THSD4: variants seen among roughly 807,000 people sequenced by gnomAD.
THSD4 encodes thrombospondin type 1 domain containing 4.
THSD4 carries 69 observed loss-of-function variants against 119.0 expected under a neutral mutation model. The observed-to-expected ratio is 0.58, with a 90% confidence interval of 0.48 to 0.71. The LOEUF (loss-of-function observed/expected upper bound fraction) is 0.71. Among genes scored for constraint, THSD4 ranks in the 30% least tolerant of loss-of-function variants. The pLI, the probability that THSD4 is intolerant of heterozygous loss-of-function variation, is 0.00. For synonymous variants in THSD4, 524 were observed against 540.4 expected, an observed-to-expected ratio of 0.97 and a Z score of 0.42; for missense variants, 1,393 against 1,391.1, an observed-to-expected ratio of 1.00 and a Z score of -0.02.
At chr15:71,418,133 A>C (rs1596418709) in intron 7 of THSD4, among the ~76,000 whole-genome samples, 1 of 108,718 alleles carries the variant, frequency 9.2e-6, no homozygotes, top group Non-Finnish European at 2.0e-5. Flanking sequence ...ACTTTACTGA[A>C]TTTATCAATT....
At chr15:71,286,105 C>T (rs978926078) in intron 6 of THSD4, among the ~76,000 whole-genome samples, 6 of 152,042 alleles carry the variant, frequency 3.9e-5, no homozygotes, top group Non-Finnish European at 7.4e-5. Flanking sequence ...GGTTTGGGGT[C>T]ATGCTTTTAC....
intron 3 of THSD4, among the ~76,000 whole-genome samples, chr15:71,205,954 A>G (rs1420862035): frequency 6.7e-6 from 1 of 149,460 alleles, no homozygotes; most frequent in Non-Finnish European, 1.5e-5. Context: ...GCTCACTGCA[A>G]CCTCCTCCTC....
intron 7 of THSD4, among the ~76,000 whole-genome samples, chr15:71,652,449 C>G (rs1044865930): frequency 6.6e-6 from 1 of 152,162 alleles, no homozygotes; most frequent in African/African-American, 2.4e-5. Flanking sequence ...TTATCACTGT[C>G]AAAAGCTATT....
chr15:71,430,643 G>C (rs1367868357), intron 7 of THSD4, among the ~76,000 whole-genome samples: 1 of 151,420 alleles, frequency 6.6e-6, no homozygotes, highest in Non-Finnish European at 1.5e-5. Flanking sequence ...TCTAATCCCA[G>C]CTACTCGGGA....
chr15:71,560,845 G>C (rs2049100923), intron 7 of THSD4, among the ~76,000 whole-genome samples: 1 of 152,084 alleles, frequency 6.6e-6, no homozygotes, highest in Non-Finnish European at 1.5e-5. Flanking sequence ...CCCTTGAATA[G>C]AGTTGATGTC....
At chr15:71,559,150 C>G (rs537467836) in intron 7 of THSD4, among the ~76,000 whole-genome samples, 6 of 152,122 alleles carry the variant, frequency 3.9e-5, no homozygotes, top group Admixed American at 2.0e-4. Context: ...TGTCAGTATT[C>G]GAAGAAGACA....
chr15:71,708,121 C>T (rs574573915), intron 8 of THSD4, among the ~76,000 whole-genome samples: 2 of 152,350 alleles, frequency 1.3e-5, no homozygotes, highest in Admixed American at 1.3e-4. Context: ...GTCTGCCCAA[C>T]TCACTGGACA....
intron 6 of THSD4, among the ~76,000 whole-genome samples, chr15:71,406,629 T>C (rs1220271718): frequency 5.3e-5 from 8 of 151,150 alleles, no homozygotes; most frequent in Non-Finnish European, 1.2e-4. Flanking sequence ...CTTTCAGTTC[T>C]CTCAGGTTTG....
At chr15:71,350,141 T>TAAAAAAAAAAAAAAAAAAAA (rs3086680) in intron 6 of THSD4, among the ~76,000 whole-genome samples, 4 of 111,174 alleles carry the variant, frequency 3.6e-5, no homozygotes, top group Non-Finnish European at 5.6e-5. Flanking sequence ...TGCAAATTAC[T>TAAAAAAAAAAAAAAAAAAAA]AAAAAAAAAA....
intron 7 of THSD4, among the ~76,000 whole-genome samples, chr15:71,511,872 A>G (rs1259466229): frequency 3.3e-5 from 5 of 152,186 alleles, no homozygotes; most frequent in Non-Finnish European, 5.9e-5. Context: ...CACATCCCCC[A>G]CAGAGACGGT....
chr15:71,442,709 G>T (rs2047126804), intron 7 of THSD4, among the ~76,000 whole-genome samples: 1 of 98,958 alleles, frequency 1.0e-5, no homozygotes, highest in Non-Finnish European at 2.1e-5. Context: ...TATATGAAGG[G>T]AGGAGATGAA....
chr15:71,111,661 C>A, upstream of THSD4: 1 of 565,072 alleles, frequency 1.8e-6, no homozygotes, highest in Non-Finnish European at 3.1e-6. Flanking sequence ...TTACAAGCAT[C>A]GTGATGGATC....
chr15:71,377,898 A>ACCCC (rs1566961464), intron 6 of THSD4, among the ~76,000 whole-genome samples: 3 of 86,862 alleles, frequency 3.5e-5, no homozygotes, highest in African/African-American at 4.8e-5. Context: ...ACACACACAC[A>ACCCC]CACACACACA....
intron 3 of THSD4, among the ~76,000 whole-genome samples, chr15:71,201,231 A>G (rs974414237): frequency 1.3e-5 from 2 of 152,088 alleles, no homozygotes; most frequent in African/African-American, 2.4e-5. Context: ...CAGGAGGATG[A>G]GGGCTTTCAT....
At chr15:71,747,259 T>C (rs1199099003) in intron 13 of THSD4, among the ~76,000 whole-genome samples, 1 of 152,144 alleles carries the variant, frequency 6.6e-6, no homozygotes, top group Non-Finnish European at 1.5e-5. Flanking sequence ...ACTTTATGAG[T>C]GAGCCCAGGG....
At position 71,662,041 on chromosome 15, in the gene THSD4, G is replaced by A. The variant is rs1218535953; in HGVS notation, c.1357+1307G>A. 3.3e-5 allele frequency among the ~76,000 whole-genome samples: 5 copies of A among 152,304 alleles called. No individual in the cohort carries two copies. In the East Asian group the frequency reaches 9.6e-4, roughly 29 times the overall value. On this transcript the variant is annotated intron_variant, in intron 8 of 17. Coordinates refer to ENST00000261862, the MANE Select transcript of THSD4 (RefSeq NM_024817.3). ...AGGCAGTCTAGCTCCAGGTGTAGTA[G>A]CCTGTCAAGAGATGATACCCATGGG...
intron 8 of THSD4, among the ~76,000 whole-genome samples, chr15:71,700,306 TC>T (rs1157700864): frequency 6.6e-6 from 1 of 152,090 alleles, no homozygotes; most frequent in Non-Finnish European, 1.5e-5. Flanking sequence ...ACCATATAGA[TC>T]AGGTAGTTTT....
intron 3 of THSD4, among the ~76,000 whole-genome samples, chr15:71,180,835 C>T (rs1293489282): frequency 1.3e-5 from 2 of 151,926 alleles, no homozygotes; most frequent in South Asian, 4.1e-4. Context: ...TATTCTAAGT[C>T]TTGAGCAGGG....
In THSD4 at chr15:71,577,710, T is replaced by TTTTATGTTATGTTATGTTATGTTATG. The variant is rs1176297693; in HGVS notation, c.1153-82818_1153-82817insTATGTTATGTTATGTTATGTTATGTT. ...TGTGGACTGGTGCAACCTTTATTTA[T>TTTTATGTTATGTTATGTTATGTTATG]TTATTTTATTTTATTTTATTTTATT... On this transcript the variant is annotated intron_variant, in intron 7 of 17. Transcript: ENST00000261862. Among the ~76,000 whole-genome samples, 225 of 71,508 alleles carry TTTTATGTTATGTTATGTTATGTTATG rather than the reference T, an allele frequency of 3.1e-3. 1 individual carries two copies. The highest frequency in any genetic ancestry group is 9.6e-3 in the African/African-American group (221 of 23,022). The allele number at this position is 71,508 out of a possible 152,430, so 46.9% of individuals were successfully genotyped here. A position where few individuals can be genotyped will look rare whatever the true frequency, so the allele number is the denominator to read the frequency against.
Sources: allele counts gnomAD v4.1 joint callset (sites outside exome capture counted in the v4.1 genomes callset), GRCh38; gene constraint gnomAD v4.1.1; transcripts MANE v1.5; gene names NCBI Gene and HGNC (gene_info 2026-07-23, HGNC 2026-07-21).